GALNT10: variants seen among roughly 807,000 people sequenced by gnomAD.
GALNT10 encodes GalNAc transferase 10.
Under a neutral mutation model 75.0 loss-of-function variants are expected in GALNT10, and 41 were observed. The ratio of observed to expected loss-of-function variants is 0.55; its 90% confidence interval spans 0.43 to 0.71. The LOEUF (loss-of-function observed/expected upper bound fraction) is 0.71, where lower values mean the gene tolerates loss of function less well. Among genes scored for constraint, GALNT10 ranks in the 30% least tolerant of loss-of-function variants. The pLI, the probability that GALNT10 is intolerant of heterozygous loss-of-function variation, is 0.00. For synonymous variants in GALNT10, 302 were observed against 313.0 expected, an observed-to-expected ratio of 0.96 and a Z score of 0.37; for missense variants, 727 against 818.5, an observed-to-expected ratio of 0.89 and a Z score of 1.36.
chr5:154,212,445 G>T (rs1358258493), intron 1 of GALNT10, among the ~76,000 whole-genome samples: 1 of 152,254 alleles, frequency 6.6e-6, no homozygotes, highest in East Asian at 1.9e-4. Context: ...GGACCATACT[G>T]ATGCTAAATA....
chr5:154,259,021 G>A (rs1387299026), intron 1 of GALNT10, among the ~76,000 whole-genome samples: 1 of 152,066 alleles, frequency 6.6e-6, no homozygotes, highest in African/African-American at 2.4e-5. Flanking sequence ...CATAAGCATA[G>A]TTTAATTATC....
In GALNT10 at chr5:154,412,922, A is replaced by G; in HGVS notation, c.1420A>G (p.Thr474Ala). 6.2e-7 allele frequency: 1 copy of G among 1,613,768 alleles called. No individual in the cohort carries two copies. The highest frequency in any genetic ancestry group is 8.5e-7 in the Non-Finnish European group (1 of 1,179,788). ...RNVGTGLCAD[T>A]KHGALGSPLR... ...TGTGGGCACAGGGCTGTGTGCAGAC[A>G]CAAAGCACGGGGCCTTGGGCTCCCC... Residue 474 changes from threonine (T) to alanine (A), a missense_variant, in exon 10 of 12, where the codon ACA (threonine) becomes GCA (alanine). Coordinates refer to ENST00000297107, the MANE Select transcript of GALNT10 (RefSeq NM_198321.4). The surrounding 1 kb of genome is among the most constrained non-coding windows in gnomAD (Gnocchi z 4.2).
At chr5:154,227,602 G>T (rs939127972) in intron 1 of GALNT10, among the ~76,000 whole-genome samples, 2 of 152,048 alleles carry the variant, frequency 1.3e-5, no homozygotes, top group Non-Finnish European at 2.9e-5. Context: ...CCAGCCTCTG[G>T]CTTGTCTTTT....
intron 4 of GALNT10, among the ~76,000 whole-genome samples, chr5:154,358,164 G>A (rs1200773729): frequency 2.0e-5 from 3 of 152,180 alleles, no homozygotes; most frequent in Admixed American, 6.5e-5. Context: ...AACACTGGGA[G>A]GGAATTGTGT....
chr5:154,300,509 C>T (rs182784590), intron 3 of GALNT10, among the ~76,000 whole-genome samples: 7 of 152,288 alleles, frequency 4.6e-5, no homozygotes, highest in Admixed American at 2.0e-4. Context: ...GCAATTCTCA[C>T]GTATAATGAG....
chr5:154,196,723 C>T (rs1774950692), intron 1 of GALNT10, among the ~76,000 whole-genome samples: 1 of 152,086 alleles, frequency 6.6e-6, no homozygotes, highest in Non-Finnish European at 1.5e-5. Context: ...TTAGGTCTTA[C>T]CGGTCTACTT....
At chr5:154,359,172 A>G (rs1328779352) in intron 4 of GALNT10, among the ~76,000 whole-genome samples, 1 of 152,172 alleles carries the variant, frequency 6.6e-6, no homozygotes, top group Non-Finnish European at 1.5e-5. Context: ...TTCATGTACC[A>G]TTAACGCCAT....
intron 4 of GALNT10, among the ~76,000 whole-genome samples, chr5:154,341,778 C>T (rs1755035692): frequency 6.6e-6 from 1 of 152,118 alleles, no homozygotes; most frequent in Non-Finnish European, 1.5e-5. Flanking sequence ...CAAAGTGATG[C>T]CGAATATTCT....
chr5:154,377,039 T>C (rs1755660395), intron 5 of GALNT10, among the ~76,000 whole-genome samples: 1 of 152,232 alleles, frequency 6.6e-6, no homozygotes, highest in Non-Finnish European at 1.5e-5. Flanking sequence ...TCCTTCGCAG[T>C]TCTACATTGC....
intron 1 of GALNT10, among the ~76,000 whole-genome samples, chr5:154,290,884 T>G (rs1754185378): frequency 6.6e-6 from 1 of 152,198 alleles, no homozygotes; most frequent in East Asian, 1.9e-4. Context: ...TAATTGTCTC[T>G]GAGCAGCTAT....
In GALNT10 at chr5:154,298,702, C is replaced by CT. The variant is rs1469210437; in HGVS notation, c.401+624dup. On this transcript the variant is annotated intron_variant, in intron 3 of 11. Transcript: ENST00000297107. This position sits in a 1 kb window ranked among gnomAD's most constrained non-coding sequence, Gnocchi z 4.1. Reference sequence around the variant, plus strand: ...TTGACAGAATAAGACAGGCCTTAGACTCCAGTTCAATCAAAAACTATACTC... The same window carrying CT: ...TTGACAGAATAAGACAGGCCTTAGACTTCCAGTTCAATCAAAAACTATACTC... Among the ~76,000 whole-genome samples the CT allele has an allele frequency of 6.6e-6, 1 of 152,204 alleles. No individual in the cohort carries two copies. The highest frequency in any genetic ancestry group is 2.4e-5 in the African/African-American group (1 of 41,448).
At chr5:154,315,753 T>A (rs1231684735) in intron 3 of GALNT10, among the ~76,000 whole-genome samples, 4 of 152,166 alleles carry the variant, frequency 2.6e-5, no homozygotes, top group Admixed American at 2.0e-4. Flanking sequence ...GGCTGTGGGC[T>A]TGGTCATTTC....
At chr5:154,252,661 A>C (rs1470953479) in intron 1 of GALNT10, among the ~76,000 whole-genome samples, 1 of 150,560 alleles carries the variant, frequency 6.6e-6, no homozygotes, top group Non-Finnish European at 1.5e-5. Flanking sequence ...TTAATGCCTT[A>C]GTGTTGGTTG....
chr5:154,199,007 G>A (rs955785303), intron 1 of GALNT10, among the ~76,000 whole-genome samples: 1 of 152,202 alleles, frequency 6.6e-6, no homozygotes, highest in African/African-American at 2.4e-5. Context: ...GCTTCCTAAA[G>A]GCAGGAACTA....
chr5:154,372,322 C>T (rs1755585595), intron 4 of GALNT10, among the ~76,000 whole-genome samples: 1 of 152,138 alleles, frequency 6.6e-6, no homozygotes, highest in Non-Finnish European at 1.5e-5. Flanking sequence ...TACTAAAAAA[C>T]GTGTTAGCCA....
At position 154,298,575 on chromosome 5, in the gene GALNT10, A is replaced by G. The variant is rs1643620681; in HGVS notation, c.401+496A>G. Among the ~76,000 whole-genome samples the G allele has an allele frequency of 6.6e-6, 1 of 152,198 alleles. No individual in the cohort carries two copies. Among genetic ancestry groups the G allele is most frequent in the African/African-American group, 2.4e-5 (1 of 41,462 alleles). ...ATGTGCCAAACGCTTTATTTGTATC[A>G]TCTCAGGTTGCTGTGAGGTAGGTCC... is the stretch of plus-strand genomic sequence containing the variant. On this transcript the variant is annotated intron_variant, in intron 3 of 11. Transcript: ENST00000297107. This position sits in a 1 kb window ranked among gnomAD's most constrained non-coding sequence, Gnocchi z 4.1.
intron 5 of GALNT10, among the ~76,000 whole-genome samples, chr5:154,377,129 C>G (rs957438298): frequency 2.6e-5 from 4 of 152,198 alleles, no homozygotes; most frequent in African/African-American, 9.6e-5. Flanking sequence ...GCGTGATCCA[C>G]TAGCCCTCCA....
chr5:154,246,124 C>A lies in GALNT10; in HGVS notation c.160-48692C>A, dbSNP rs1218235725. ...GTTTCCAGTTTCATCCGTGTCCCTA[C>A]AAAGGACATGAATTCATCATTTTTT... is the stretch of plus-strand genomic sequence containing the variant. On this transcript the variant is annotated intron_variant, in intron 1 of 11. Transcript: ENST00000297107. Among the ~76,000 whole-genome samples the A allele has an allele frequency of 1.2e-4, 17 of 143,082 alleles. No homozygotes were observed. In the Admixed American group the frequency reaches 1.3e-3, roughly 11 times the overall value. The allele number at this position is 143,082 out of a possible 152,430, so 93.9% of individuals were successfully genotyped here.
At chr5:154,323,123 C>A (rs1328967569) in intron 3 of GALNT10, among the ~76,000 whole-genome samples, 1 of 152,118 alleles carries the variant, frequency 6.6e-6, no homozygotes, top group East Asian at 1.9e-4. Context: ...CTGTAACGGG[C>A]CAGATAGTAA....
Sources: allele counts gnomAD v4.1 joint callset (sites outside exome capture counted in the v4.1 genomes callset), GRCh38; gene constraint gnomAD v4.1.1; non-coding constraint Gnocchi (gnomAD v3.1); transcripts MANE v1.5; gene names NCBI Gene and HGNC (gene_info 2026-07-23, HGNC 2026-07-21).